PRDX4: variants seen among roughly 807,000 people sequenced by gnomAD.
The protein encoded by PRDX4 is peroxiredoxin 4.
In PRDX4, 12 loss-of-function variants were observed where a neutral mutation model predicts 20.5. The ratio of observed to expected loss-of-function variants is 0.58; its 90% CI spans 0.37 to 0.95. The LOEUF is 0.95. PRDX4 is among the 40% of genes least tolerant of loss of function. The probability of loss-of-function intolerance (pLI) is 0.01; values close to 1 mark genes in which losing one functional copy is unlikely to be tolerated. For missense variants in PRDX4, 180 were observed against 207.3 expected, an observed-to-expected ratio of 0.87 and a Z score of 0.81; for synonymous variants, 99 against 87.5, an observed-to-expected ratio of 1.13 and a Z score of -0.73.
chrX:23,675,380 TAGCGAAAACCAC>T, intron 3 of PRDX4: 1 of 427,243 alleles, frequency 2.3e-6, no homozygotes. Flanking sequence ...GTGATTTCTA[TAGCGAAAACCAC>T]TGAATTATAT....
At chrX:23,685,306 C>T (rs1229057111) in intron 6 of PRDX4, among the ~76,000 whole-genome samples, 2 of 111,564 alleles carry the variant, frequency 1.8e-5, no homozygotes, top group African/African-American at 3.3e-5. Flanking sequence ...GGGAAGTGCC[C>T]CCTACCTTGA....
chrX:23,685,821 G>GT lies in PRDX4; in HGVS notation c.766-451dup, dbSNP rs778108680. 7.0e-3 allele frequency among the ~76,000 whole-genome samples: 665 copies of GT among 94,396 alleles called. 3 individuals are homozygous for GT. The highest frequency in any genetic ancestry group is 0.02 in the African/African-American group (532 of 26,258). The allele number at this position is 94,396 out of a possible 115,157, so 82.0% of individuals were successfully genotyped here. On this transcript the variant is annotated intron_variant, in intron 6 of 6. Transcript: ENST00000379341. ...GTATTTGAGTTTGGGTTTTTTTTTT[G>GT]TTTTTTTTTTTTTACTTTGCAGCTT...
chrX:23,675,048 T>A lies in PRDX4; in HGVS notation c.418T>A (p.Ser140Thr). The part of the protein sequence containing the change: ...AFGDRLEEFR[S>T]INTEVVACSV... Reference sequence around the variant, plus strand: ...TGGCGACAGACTTGAAGAATTCAGATCTATAAATACTGAAGTGGTAGCATG... The same window carrying A: ...TGGCGACAGACTTGAAGAATTCAGAACTATAAATACTGAAGTGGTAGCATG... Residue 140 changes from serine (S) to threonine (T), a missense_variant, in exon 3 of 7, where the codon TCT (serine) becomes ACT (threonine). By Grantham distance (58) the Ser-to-Thr change is moderately conservative. Around this residue, in one of 3 missense-constraint regions of PRDX4, gnomAD observed 105 missense variants for 114.2 expected, o/e 0.92. Coordinates refer to ENST00000379341, the MANE Select transcript of PRDX4 (RefSeq NM_006406.2). 2 of 1,211,647 alleles carry A rather than the reference T, an allele frequency of 1.7e-6. No homozygotes were observed. Among genetic ancestry groups the A allele is most frequent in the Non-Finnish European group, 2.2e-6 (2 of 895,421 alleles).
Position 23,683,989 on chromosome X carries a change from A to G in PRDX4, c.765+284A>G, listed in dbSNP as rs546260676. On this transcript the variant is annotated intron_variant, in intron 6 of 6. Transcript: ENST00000379341. ...CATGAACCCGGGAGGTGGAGGTTGC[A>G]GTGAGCCGAGATCATGCCACTGCAC... Among the ~76,000 whole-genome samples, 614 of 100,106 alleles carry G rather than the reference A, an allele frequency of 6.1e-3. 5 individuals carry two copies. Among genetic ancestry groups the G allele is most frequent in the African/African-American group, 0.02 (556 of 27,148 alleles). The allele number at this position is 100,106 out of a possible 115,157, so 86.9% of individuals were successfully genotyped here. A position where few individuals can be genotyped will look rare whatever the true frequency, so the allele number is the denominator to read the frequency against.
rs752773243 is a variant in PRDX4 at position 23,685,810 on chromosome X, G to GT, written c.766-465dup. ...TAGTGCTTGATGTATTTGAGTTTGG[G>GT]TTTTTTTTTTGTTTTTTTTTTTTTA... On this transcript the variant is annotated intron_variant, in intron 6 of 6. Transcript: ENST00000379341. Among the ~76,000 whole-genome samples, 345 of 100,775 alleles carry GT rather than the reference G, an allele frequency of 3.4e-3. 2 individuals are homozygous for GT. The highest frequency in any genetic ancestry group is 0.011 in the African/African-American group (309 of 27,842). 87.5% of individuals were successfully genotyped at this position (100,775 alleles called of 115,157 possible). A position where few individuals can be genotyped will look rare whatever the true frequency, so the allele number is the denominator to read the frequency against.
At chrX:23,680,557 T>G (rs1450580093) in intron 4 of PRDX4, among the ~76,000 whole-genome samples, 2 of 111,093 alleles carry the variant, frequency 1.8e-5, no homozygotes, top group Non-Finnish European at 3.8e-5. Context: ...ATAACAACTT[T>G]ATTGGAATAT....
In PRDX4 at chrX:23,675,039, G is replaced by A; in HGVS notation, c.409G>A (p.Glu137Lys). ...TATCGCTTTTGGCGACAGACTTGAA[G>A]AATTCAGATCTATAAATACTGAAGT... ...EIIAFGDRLEEFRSINTEVVA... is the reference protein window; with the variant it reads ...EIIAFGDRLEKFRSINTEVVA... Residue 137 changes from glutamate to lysine, a missense_variant, in exon 3 of 7, where the codon GAA becomes AAA. By Grantham distance (56) the Glu-to-Lys change is moderately conservative. Coordinates refer to ENST00000379341, the MANE Select transcript of PRDX4 (RefSeq NM_006406.2). The A allele has an allele frequency of 8.3e-7, 1 of 1,210,603 alleles. No individual in the cohort carries two copies. Among genetic ancestry groups the A allele is most frequent in the Non-Finnish European group, 1.1e-6 (1 of 895,106 alleles).
intron 6 of PRDX4, among the ~76,000 whole-genome samples, chrX:23,683,977 G>A (rs958115700): frequency 9.6e-6 from 1 of 103,872 alleles, no homozygotes; most frequent in African/African-American, 3.5e-5. Flanking sequence ...GAACCCGGGA[G>A]GTGGAGGTTG....
chrX:23,684,584 T>C (rs1344009584), intron 6 of PRDX4, among the ~76,000 whole-genome samples: 1 of 110,536 alleles, frequency 9.0e-6, no homozygotes, highest in Non-Finnish European at 1.9e-5. Flanking sequence ...CACTGCAACC[T>C]CCGCCTCCAG....
intron 2 of PRDX4, 110 bp from the exon 3 acceptor site, chrX:23,674,880 T>C: frequency 9.9e-7 from 1 of 1,006,038 alleles, no homozygotes; most frequent in Non-Finnish European, 1.3e-6. Flanking sequence ...ATAAAATTGT[T>C]CTTAATGTGC....
chrX:23,682,234 G>C, intron 4 of PRDX4, among the ~76,000 whole-genome samples, 162 bp from the exon 5 acceptor site: 1 of 44,287 alleles, frequency 2.3e-5, no homozygotes. Context: ...GATGTCCACA[G>C]GTGTGTGTAC....
chrX:23,675,272 AAAAG>A (rs1255547120), intron 3 of PRDX4, 166 bp downstream of exon 3: 8 of 989,510 alleles, frequency 8.1e-6, no homozygotes, highest in Non-Finnish European at 1.3e-6. Context: ...CCAGGTTAAA[AAAAG>A]AGAGAAGAGT....
In PRDX4 at chrX:23,671,538, C is replaced by G. The variant is rs769335860; in HGVS notation, c.251C>G (p.Pro84Arg). 1.3e-5 allele frequency: 15 copies of G among 1,199,297 alleles called. No homozygotes were observed. Among genetic ancestry groups the G allele is most frequent in the Non-Finnish European group, 1.7e-5 (15 of 890,097 alleles). The stretch of plus-strand genomic sequence containing the variant: ...TATTTTATTTTCTTAGTTTCCAAGC[C>G]AGCGCCCTACTGGGAAGGAACAGCT... ...LHLSKAKISK[P>R]APYWEGTAVI... Residue 84 changes from proline (P) to arginine (R), a missense_variant, in exon 2 of 7, where the codon CCA (proline) becomes CGA (arginine). Coordinates refer to ENST00000379341, the MANE Select transcript of PRDX4 (RefSeq NM_006406.2).
At chrX:23,667,945 T>C in intron 1 of PRDX4, 134 bp downstream of exon 1, 5 of 953,752 alleles carry the variant, frequency 5.2e-6, no homozygotes, top group Non-Finnish European at 7.1e-6. Flanking sequence ...GGTTCTCACC[T>C]AGGAGGGCGG....
chrX:23,685,142 G>A (rs1928159093), intron 6 of PRDX4, among the ~76,000 whole-genome samples: 2 of 111,888 alleles, frequency 1.8e-5, no homozygotes, highest in South Asian at 3.7e-4. Context: ...CATGTTTTCC[G>A]AAATGTCCGG....
chrX:23,677,976 T>G (rs962208415), intron 3 of PRDX4, among the ~76,000 whole-genome samples: 15 of 112,474 alleles, frequency 1.3e-4, no homozygotes, highest in African/African-American at 4.2e-4. Context: ...GATGTGTTTA[T>G]CAAGACACAG....
chrX:23,675,192 G>A (rs1157148049), intron 3 of PRDX4, 86 bp downstream of exon 3: 3 of 1,197,163 alleles, frequency 2.5e-6, no homozygotes, highest in East Asian at 3.0e-5. Flanking sequence ...TATGATATAA[G>A]AATATAGTCA....
At position 23,667,515 on chromosome X, in the gene PRDX4, G is replaced by C. The variant is rs772355156; in HGVS notation, c.-56G>C. 3.5e-6 allele frequency: 4 copies of C among 1,127,853 alleles called. No homozygotes were observed. Among genetic ancestry groups the C allele is most frequent in the East Asian group, 6.5e-5 (2 of 30,618 alleles). The allele number at this position is 1,127,853 out of a possible 1,213,427, so 92.9% of individuals were successfully genotyped here. ...GTCGTGCACGCGGTTGTAGCTGCCC[G>C]GCGGCGGCAGAAGCGGCGCTCGCGC... On this transcript the variant is annotated 5_prime_UTR_variant, in exon 1 of 7. Transcript: ENST00000379341.
intron 4 of PRDX4, among the ~76,000 whole-genome samples, chrX:23,681,494 C>A (rs985243097): frequency 1.8e-5 from 2 of 111,964 alleles, no homozygotes; most frequent in African/African-American, 6.5e-5. Context: ...CTCTTTCACG[C>A]AGCATAATGT....
Sources: gnomAD v4.1 joint callset for allele counts (sites outside exome capture counted in the v4.1 genomes callset) on GRCh38, gnomAD v4.1.1 for gene constraint, gnomAD v4.1.1 regional missense constraint, MANE v1.5 for transcripts, NCBI Gene and HGNC (gene_info 2026-07-23, HGNC 2026-07-21) for gene names.